The following SNTG2 variants were observed in gnomAD, a reference collection of about 807,000 sequenced individuals.
SNTG2 encodes the protein gamma-2-syntrophin.
In SNTG2, 74 loss-of-function variants were observed where a neutral mutation model predicts 70.9. The ratio of observed to expected loss-of-function variants is 1.04; its 90% CI spans 0.86 to 1.27. SNTG2 has a LOEUF of 1.27. Among genes scored for constraint, SNTG2 ranks in the 50% most tolerant of loss-of-function variants. The pLI, the probability that SNTG2 is intolerant of heterozygous loss-of-function variation, is 0.00. For synonymous variants in SNTG2, 278 were observed against 273.8 expected, an observed-to-expected ratio of 1.02 and a Z score of -0.15; for missense variants, 717 against 690.7, an observed-to-expected ratio of 1.04 and a Z score of -0.43.
At chr2:1,150,389 A>G (rs5006486) in intron 6 of SNTG2, among the ~76,000 whole-genome samples, 142,611 of 152,242 alleles carry the variant, frequency 0.94, 66,926 homozygotes, top group Non-Finnish European at 0.97. Context: ...TGCAGCCCAT[A>G]AAGCTGGCTT....
At chr2:1,315,314 G>C (rs546859559) in intron 15 of SNTG2, among the ~76,000 whole-genome samples, 1 of 152,190 alleles carries the variant, frequency 6.6e-6, no homozygotes, top group Non-Finnish European at 1.5e-5. Context: ...TGAGGCTAGC[G>C]TGTGGGCGGG....
At chr2:1,179,168 AT>A in intron 8 of SNTG2, among the ~76,000 whole-genome samples, 1 of 152,134 alleles carries the variant, frequency 6.6e-6, no homozygotes, top group South Asian at 2.1e-4. Context: ...ATCATTTTTT[AT>A]TGCATCTATT....
chr2:1,334,492 A>G (rs559476315), intron 16 of SNTG2, among the ~76,000 whole-genome samples: 11 of 152,374 alleles, frequency 7.2e-5, no homozygotes, highest in African/African-American at 2.6e-4. Context: ...ACATGCACAC[A>G]AATGTTTATA....
intron 14 of SNTG2, among the ~76,000 whole-genome samples, chr2:1,277,098 G>A (rs963983999): frequency 1.3e-4 from 20 of 152,212 alleles, no homozygotes; most frequent in Non-Finnish European, 2.6e-4. Context: ...GGTAAAGATT[G>A]TATTAATATT....
At chr2:1,096,527 C>T (rs1433676131) in intron 2 of SNTG2, among the ~76,000 whole-genome samples, 1 of 152,108 alleles carries the variant, frequency 6.6e-6, no homozygotes, top group African/African-American at 2.4e-5. Flanking sequence ...CTACCCTCTG[C>T]TTCTGCGTTC....
intron 9 of SNTG2, among the ~76,000 whole-genome samples, chr2:1,227,293 C>T (rs1056360614): frequency 6.6e-6 from 1 of 152,246 alleles, no homozygotes; most frequent in Non-Finnish European, 1.5e-5. Context: ...AGGAATTGAG[C>T]ACCTACTGTG....
intron 1 of SNTG2, among the ~76,000 whole-genome samples, chr2:985,291 A>ATT (rs988851855): frequency 2.0e-5 from 3 of 148,154 alleles, no homozygotes; most frequent in African/African-American, 7.4e-5. Context: ...AGACAAGTTG[A>ATT]TTTTTTTTTT....
intron 1 of SNTG2, among the ~76,000 whole-genome samples, chr2:988,875 C>A (rs2147975924): frequency 6.6e-6 from 1 of 152,284 alleles, no homozygotes; most frequent in East Asian, 1.9e-4. Context: ...AATCTATGAA[C>A]ATAATACATT....
intron 16 of SNTG2, among the ~76,000 whole-genome samples, chr2:1,319,824 T>C (rs1218830198): frequency 2.6e-5 from 4 of 152,156 alleles, no homozygotes; most frequent in Admixed American, 2.0e-4. Context: ...GTATGAGATA[T>C]ACAGAAAGTT....
intron 1 of SNTG2, among the ~76,000 whole-genome samples, chr2:1,041,274 T>C (rs1051258733): frequency 2.6e-5 from 4 of 152,326 alleles, no homozygotes; most frequent in Admixed American, 2.6e-4. Flanking sequence ...TTTTTCTGCC[T>C]GCAAGGAAAC....
At chr2:1,109,919 G>T (rs559668612) in intron 4 of SNTG2, among the ~76,000 whole-genome samples, 1 of 152,126 alleles carries the variant, frequency 6.6e-6, no homozygotes, top group African/African-American at 2.4e-5. Flanking sequence ...ACCTTCAGTC[G>T]TTCTCATGTG....
chr2:1,228,963 G>A (rs574919821), intron 9 of SNTG2, among the ~76,000 whole-genome samples: 3 of 152,000 alleles, frequency 2.0e-5, no homozygotes, highest in Non-Finnish European at 4.4e-5. Flanking sequence ...AAGGCGGTGC[G>A]TCTGGAGTTG....
rs11894793 is a variant in SNTG2 at position 984,140 on chromosome 2, C to T, written c.72+33072C>T. ...CGGCTGCTTGGCATTGCAGAGGTGA[C>T]GCTATTGAATCACACTTTACCCTGG... On this transcript the variant is annotated intron_variant, in intron 1 of 16. Transcript: ENST00000308624. Among the ~76,000 whole-genome samples the T allele has an allele frequency of 2.4e-4, 36 of 152,014 alleles. 1 individual carries two copies. In the South Asian group the frequency reaches 2.9e-3, roughly 12 times the overall value.
intron 14 of SNTG2, among the ~76,000 whole-genome samples, chr2:1,305,115 A>G (rs1325765688): frequency 6.6e-6 from 1 of 152,070 alleles, no homozygotes; most frequent in Non-Finnish European, 1.5e-5. Flanking sequence ...TGTGCTGGAG[A>G]TAAAGTTCAG....
chr2:1,081,528 G>C (rs554660036), intron 1 of SNTG2, among the ~76,000 whole-genome samples: 1 of 152,348 alleles, frequency 6.6e-6, no homozygotes, highest in Admixed American at 6.5e-5. Context: ...TCAGCCCTCG[G>C]TCAGGCAGGG....
In SNTG2 at chr2:1,222,113, CTG is replaced by C. The variant is rs1553312297; in HGVS notation, c.719+12885_719+12886del. ...TCTCTCTGTCTCTCTCTGTCTCTCT[CTG>C]TCTCTCTCTGTCTCTCTCTGTCTCT... On this transcript the variant is annotated intron_variant, in intron 9 of 16. Transcript: ENST00000308624. 6.1e-5 allele frequency among the ~76,000 whole-genome samples: 5 copies of C among 81,728 alleles called. 1 individual carries two copies. Among genetic ancestry groups the C allele is most frequent in the Admixed American group, 1.4e-4 (1 of 7,250 alleles). 53.6% of individuals were successfully genotyped at this position (81,728 alleles called of 152,430 possible).
chr2:1,094,899 A>G (rs1169828803), intron 2 of SNTG2, among the ~76,000 whole-genome samples: 31 of 95,920 alleles, frequency 3.2e-4, no homozygotes, highest in Non-Finnish European at 4.7e-4. Flanking sequence ...GTGTCCTCAT[A>G]TGGTAGAGTT....
intron 14 of SNTG2, among the ~76,000 whole-genome samples, chr2:1,291,926 G>A (rs189675650): frequency 6.6e-6 from 1 of 152,268 alleles, no homozygotes; most frequent in Admixed American, 6.5e-5. Flanking sequence ...GCTTTGAGTG[G>A]TATGGACATC....
chr2:1,257,624 T>C (rs1678198174), intron 12 of SNTG2, among the ~76,000 whole-genome samples: 1 of 152,202 alleles, frequency 6.6e-6, no homozygotes, highest in Admixed American at 6.5e-5. Flanking sequence ...TTGTCACATA[T>C]TGATATCAGA....
Sources: gnomAD v4.1 joint callset for allele counts (sites outside exome capture counted in the v4.1 genomes callset) on GRCh38, gnomAD v4.1.1 for gene constraint, MANE v1.5 for transcripts, NCBI Gene and HGNC (gene_info 2026-07-23, HGNC 2026-07-21) for gene names.